Variants in ASF1A observed in about 807,000 individuals in gnomAD.
The protein encoded by ASF1A is anti-silencing function 1A histone chaperone, also known as histone chaperone ASF1A.
Under a neutral mutation model 22.0 loss-of-function variants are expected in ASF1A, and 5 were observed. The ratio of observed to expected loss-of-function variants is 0.23; its 90% CI spans 0.12 to 0.48. The LOEUF is 0.48. Ranked by LOEUF, ASF1A falls within the 20% of genes least tolerant of loss-of-function variation. The pLI, the probability that ASF1A is intolerant of heterozygous loss-of-function variation, is 0.99. For missense variants in ASF1A, 137 were observed against 240.6 expected (o/e 0.57, Z 2.85); for synonymous variants, 97 against 86.7 (o/e 1.12, Z -0.66).
At chr6:118,905,909 T>A in intron 3 of ASF1A, 81 bp downstream of exon 3, 1 of 1,053,624 alleles carries the variant, frequency 9.5e-7, no homozygotes, top group Non-Finnish European at 1.3e-6. Context: ...CATAGTATAC[T>A]ATTAAAATGG....
chr6:118,908,275 T>A lies in ASF1A; in HGVS notation c.*661T>A, dbSNP rs997582607. The stretch of plus-strand genomic sequence containing the variant: ...CCCCTGGCTATGGTTTTTGTTCTTA[T>A]AACAGAGTTTAGAATATCAGAGCAT... On this transcript the variant is annotated 3_prime_UTR_variant, in exon 4 of 4. Transcript: ENST00000229595. 3 of 152,148 alleles carry A rather than the reference T, an allele frequency of 2.0e-5. No individual in the cohort carries two copies. The highest frequency in any genetic ancestry group is 7.2e-5 in the African/African-American group (3 of 41,444). The allele number at this position is 152,148 out of a possible 1,614,324, so 9.4% of individuals were successfully genotyped here.
Position 118,907,653 on chromosome 6 carries a change from A to C in ASF1A, c.*39A>C. 6.7e-7 allele frequency: 1 copy of C among 1,499,840 alleles called. No homozygotes were observed. Among genetic ancestry groups the C allele is most frequent in the Non-Finnish European group, 9.3e-7 (1 of 1,079,076 alleles). 92.9% of individuals were successfully genotyped at this position (1,499,840 alleles called of 1,614,324 possible). A position where few individuals can be genotyped will look rare whatever the true frequency, so the allele number is the denominator to read the frequency against. Reference sequence around the variant, plus strand: ...CTTTAGTACAAATTAAGCTATTAAAAATACACAGAACTATTTCCCTGAAAT... The same window carrying C: ...CTTTAGTACAAATTAAGCTATTAAACATACACAGAACTATTTCCCTGAAAT... On this transcript the variant is annotated 3_prime_UTR_variant, in exon 4 of 4. Transcript: ENST00000229595.
chr6:118,907,117 T>G (rs1780235798), intron 3 of ASF1A, among the ~76,000 whole-genome samples: 1 of 152,230 alleles, frequency 6.6e-6, no homozygotes, highest in Admixed American at 6.5e-5. Flanking sequence ...GGAGATTCTT[T>G]CTTTTAGAAA....
intron 1 of ASF1A, among the ~76,000 whole-genome samples, chr6:118,895,818 G>C (rs9481867): frequency 0.076 from 11,616 of 152,076 alleles, 683 homozygotes; most frequent in East Asian, 0.19. Context: ...GATGATTTAG[G>C]TAATCGTGGC....
intron 3 of ASF1A, among the ~76,000 whole-genome samples, chr6:118,906,578 G>C (rs753501439): frequency 6.6e-6 from 1 of 152,046 alleles, no homozygotes; most frequent in African/African-American, 2.4e-5. Flanking sequence ...CTATGAATAC[G>C]GTTATCTCAA....
rs1252202339 is a variant in ASF1A at position 118,894,436 on chromosome 6, A to G, written c.23A>G (p.Asn8Ser). Residue 8 changes from asparagine (N) to serine (S), a missense_variant, in exon 1 of 4, where the codon AAT becomes AGT. Transcript: ENST00000229595. MAKVQVN[N>S]VVVLDNPSPF... ...AATATGGCAAAGGTTCAGGTGAACA[A>G]TGTAGTGGTGCTGGATAACCCTTCT... 2.0e-6 allele frequency: 3 copies of G among 1,537,026 alleles called. No homozygotes were observed. Among genetic ancestry groups the G allele is most frequent in the Admixed American group, 3.9e-5 (2 of 51,000 alleles).
At chr6:118,899,281 C>T (rs1005332043) in intron 1 of ASF1A, among the ~76,000 whole-genome samples, 3 of 152,208 alleles carry the variant, frequency 2.0e-5, no homozygotes, top group African/African-American at 7.2e-5. Context: ...TCCCATGCCA[C>T]GCAGTGTGAA....
intron 1 of ASF1A, among the ~76,000 whole-genome samples, chr6:118,894,903 G>T (rs1779256416): frequency 6.6e-6 from 1 of 152,074 alleles, no homozygotes; most frequent in Non-Finnish European, 1.5e-5. Context: ...CGGAGGCTGG[G>T]AAGGGAGAGG....
At chr6:118,899,270 T>C (rs1779645235) in intron 1 of ASF1A, among the ~76,000 whole-genome samples, 1 of 152,218 alleles carries the variant, frequency 6.6e-6, no homozygotes, top group African/African-American at 2.4e-5. Flanking sequence ...CTTCGATGGC[T>C]TCCCATGCCA....
rs1312289939 is a variant in ASF1A, at chr6:118,907,916, T to C, written c.*302T>C. On this transcript the variant is annotated 3_prime_UTR_variant, in exon 4 of 4. Coordinates refer to ENST00000229595, the MANE Select transcript of ASF1A (RefSeq NM_014034.3). ...GCACTTATAAAGAAACAGGAATCAT[T>C]AGACCAGGTTGTAAAGATGTCTTGG... 1.4e-5 allele frequency: 3 copies of C among 217,860 alleles called. No homozygotes were observed. Among genetic ancestry groups the C allele is most frequent in the Non-Finnish European group, 2.8e-5 (3 of 108,878 alleles). 13.5% of individuals were successfully genotyped at this position (217,860 alleles called of 1,614,324 possible). A position where few individuals can be genotyped will look rare whatever the true frequency, so the allele number is the denominator to read the frequency against.
chr6:118,907,391 T>G lies in ASF1A; in HGVS notation c.403-11T>G. 6.4e-7 allele frequency: 1 copy of G among 1,565,778 alleles called. No individual in the cohort carries two copies. The highest frequency in any genetic ancestry group is 8.7e-7 in the Non-Finnish European group (1 of 1,149,742). On this transcript the variant is annotated splice_polypyrimidine_tract_variant and intron_variant, in intron 3 of 3. Coordinates refer to ENST00000229595, the MANE Select transcript of ASF1A (RefSeq NM_014034.3). ...AGTGTTTACCATTTGTATGTTTCCT[T>G]TTTCCTCTAGCTTCAAAGGAATATT...
chr6:118,894,848 G>A (rs1274142256), intron 1 of ASF1A, among the ~76,000 whole-genome samples: 2 of 152,228 alleles, frequency 1.3e-5, no homozygotes, highest in Non-Finnish European at 2.9e-5. Context: ...GCGCCGGGCT[G>A]GCTCCGCGCC....
chr6:118,906,404 A>T (rs1036316134), intron 3 of ASF1A, among the ~76,000 whole-genome samples: 2 of 152,104 alleles, frequency 1.3e-5, no homozygotes, highest in Non-Finnish European at 2.9e-5. Context: ...GCCTTTGTTT[A>T]TGGCTTTCTT....
chr6:118,898,722 T>C (rs919716814), intron 1 of ASF1A, among the ~76,000 whole-genome samples: 3 of 152,242 alleles, frequency 2.0e-5, no homozygotes, highest in African/African-American at 7.2e-5. Flanking sequence ...CCAGCCACTC[T>C]ATGTGATAAT....
intron 2 of ASF1A, among the ~76,000 whole-genome samples, chr6:118,904,067 T>G (rs1779996783): frequency 6.7e-6 from 1 of 149,622 alleles, no homozygotes. Context: ...TTCTGAGGGT[T>G]TTAATAATCT....
At chr6:118,894,744 T>G (rs918211979) in intron 1 of ASF1A, among the ~76,000 whole-genome samples, 1 of 152,194 alleles carries the variant, frequency 6.6e-6, no homozygotes, top group Non-Finnish European at 1.5e-5. Context: ...GGAACTTGTT[T>G]GAGCGGAGGA....
At chr6:118,907,254 T>C (rs1780245142) in intron 3 of ASF1A, 148 bp from the exon 4 acceptor site, 3 of 607,954 alleles carry the variant, frequency 4.9e-6, no homozygotes, top group Non-Finnish European at 8.8e-6. Context: ...ATTAGTTATA[T>C]TTAAGGTACT....
At chr6:118,906,212 A>G (rs147410398) in intron 3 of ASF1A, among the ~76,000 whole-genome samples, 432 of 152,284 alleles carry the variant, frequency 2.8e-3, no homozygotes, top group Non-Finnish European at 3.8e-3. Context: ...AGCTGGGACT[A>G]CAGGTGTATA....
In ASF1A at chr6:118,907,727, A is replaced by G; in HGVS notation, c.*113A>G. ...CAATGTGAAGAATTTGTTTAAAAACATCCTGTAGAAAGTTTATAAGAAAAC... is the reference window on the plus strand; with the variant it reads ...CAATGTGAAGAATTTGTTTAAAAACGTCCTGTAGAAAGTTTATAAGAAAAC... On this transcript the variant is annotated 3_prime_UTR_variant, in exon 4 of 4. Transcript: ENST00000229595. The G allele has an allele frequency of 1.3e-6, 1 of 784,466 alleles. No individual in the cohort carries two copies. The highest frequency in any genetic ancestry group is 2.0e-6 in the Non-Finnish European group (1 of 498,158). 48.6% of individuals were successfully genotyped at this position (784,466 alleles called of 1,614,324 possible).
Sources: gnomAD v4.1 joint callset for allele counts (sites outside exome capture counted in the v4.1 genomes callset) on GRCh38, gnomAD v4.1.1 for gene constraint, MANE v1.5 for transcripts, NCBI Gene and HGNC (gene_info 2026-07-23, HGNC 2026-07-21) for gene names.